The following NEK11 variants were observed in gnomAD, a reference collection of about 807,000 sequenced individuals.
NEK11 encodes serine/threonine-protein kinase Nek11.
NEK11 carries 72 observed loss-of-function variants against 80.7 expected under a neutral mutation model. The ratio of observed to expected loss-of-function variants is 0.89; its 90% CI spans 0.74 to 1.08. The LOEUF is 1.08. Ranked by LOEUF, NEK11 falls within the 50% of genes least tolerant of loss-of-function variation. NEK11 has a pLI of 0.00. For synonymous variants in NEK11, 251 were observed against 260.7 expected (o/e 0.96, Z 0.36); for missense variants, 764 against 763.6 (o/e 1.00, Z -0.01).
Position 131,242,486 on chromosome 3 carries a change from G to A in NEK11, c.1561-950G>A, listed in dbSNP as rs114119889. 8.8e-3 allele frequency among the ~76,000 whole-genome samples: 1,338 copies of A among 152,222 alleles called. 14 individuals are homozygous for A. Among genetic ancestry groups the A allele is most frequent in the African/African-American group, 0.029 (1,186 of 41,548 alleles). On this transcript the variant is annotated intron_variant, in intron 15 of 17. Transcript: ENST00000383366. ...TTAAATTATGAAACAGGGAAGAAAT[G>A]CAAAAGTTCCAATCAGCAGCATAAT...
chr3:131,343,772 G>A (rs2097321470), intron 17 of NEK11, among the ~76,000 whole-genome samples: 1 of 152,212 alleles, frequency 6.6e-6, no homozygotes, highest in African/African-American at 2.4e-5. Context: ...TGAAACCAGA[G>A]CAGCTGGGAT....
intron 7 of NEK11, among the ~76,000 whole-genome samples, chr3:131,136,196 C>A (rs1418927191): frequency 2.0e-5 from 3 of 152,110 alleles, no homozygotes; most frequent in African/African-American, 4.8e-5. Context: ...ATCATCCTGA[C>A]CCTAAATAAC....
intron 15 of NEK11, among the ~76,000 whole-genome samples, chr3:131,232,444 G>A (rs949741546): frequency 2.0e-5 from 3 of 152,126 alleles, no homozygotes; most frequent in African/African-American, 4.8e-5. Context: ...ATAATGACTC[G>A]ACACAAATCT....
intron 4 of NEK11, among the ~76,000 whole-genome samples, chr3:131,089,845 T>C (rs980308228): frequency 5.9e-5 from 9 of 152,212 alleles, no homozygotes; most frequent in African/African-American, 2.2e-4. Context: ...GCATAATATT[T>C]GAGGTCCACT....
rs2093159732 is a variant in NEK11 at position 131,178,403 on chromosome 3, CACAA to C, written c.1399+7520_1399+7523del. On this transcript the variant is annotated intron_variant, in intron 14 of 17. Transcript: ENST00000383366. ...TTATTTTATAACACTTGGCTTAAAA[CACAA>C]ACACATTGTACAGCTGTACAAGAAT... is the stretch of plus-strand genomic sequence containing the variant. Among the ~76,000 whole-genome samples the C allele has an allele frequency of 1.3e-5, 2 of 152,184 alleles. 1 individual carries two copies. The highest frequency in any genetic ancestry group is 4.1e-4 in the South Asian group (2 of 4,826).
At chr3:131,167,465 C>T (rs1459039973) in intron 12 of NEK11, among the ~76,000 whole-genome samples, 1 of 152,174 alleles carries the variant, frequency 6.6e-6, no homozygotes, top group African/African-American at 2.4e-5. Context: ...AATTTACTTA[C>T]CTTTTTTGCT....
chr3:131,151,551 G>A (rs1435236348), intron 7 of NEK11, among the ~76,000 whole-genome samples: 1 of 152,032 alleles, frequency 6.6e-6, no homozygotes, highest in African/African-American at 2.4e-5. Context: ...TCAATCACAA[G>A]TTTATTTCTT....
At chr3:131,259,812 G>A (rs2095880425) in intron 16 of NEK11, among the ~76,000 whole-genome samples, 1 of 152,188 alleles carries the variant, frequency 6.6e-6, no homozygotes, top group African/African-American at 2.4e-5. Flanking sequence ...GCCACAGCTG[G>A]AGGCTGTCTA....
chr3:131,117,599 A>G (rs1475514657), intron 5 of NEK11, among the ~76,000 whole-genome samples: 3 of 152,016 alleles, frequency 2.0e-5, no homozygotes, highest in African/African-American at 7.2e-5. Flanking sequence ...GATTCTTCCT[A>G]CCCATGAGCA....
Position 131,133,845 on chromosome 3 carries a change from C to G in NEK11, c.536C>G (p.Ser179Cys), listed in dbSNP as rs750294943. ...TTATTTCAAGGAGATTTTGGAGTTT[C>G]TCGACTTCTAATGGGATCCTGTGAC... ...NLLKIGDFGV[S>C]RLLMGSCDLA... is the part of the protein sequence containing the mutation. Residue 179 changes from serine (S) to cysteine (C), a missense_variant, in exon 7 of 18, where the codon TCT (serine) becomes TGT (cysteine). Physicochemically the swap from Ser to Cys is moderately radical, Grantham distance 112. Coordinates refer to ENST00000383366, the MANE Select transcript of NEK11 (RefSeq NM_024800.5). 6.2e-7 allele frequency: 1 copy of G among 1,610,894 alleles called. No homozygotes were observed. Among genetic ancestry groups the G allele is most frequent in the South Asian group, 1.1e-5 (1 of 90,344 alleles).
At chr3:131,043,026 C>A (rs2066772810) in intron 3 of NEK11, among the ~76,000 whole-genome samples, 1 of 152,182 alleles carries the variant, frequency 6.6e-6, no homozygotes, top group Non-Finnish European at 1.5e-5. Flanking sequence ...AGGGGCCTGA[C>A]TGTTAGAAGG....
intron 9 of NEK11, among the ~76,000 whole-genome samples, chr3:131,154,278 C>CA (rs111639791): frequency 0.024 from 3,577 of 148,064 alleles, 101 homozygotes; most frequent in African/African-American, 0.074. Context: ...TTTGAGCATT[C>CA]AAAAAAAAAA....
chr3:131,315,466 C>T (rs966268137), intron 17 of NEK11, among the ~76,000 whole-genome samples: 9 of 97,186 alleles, frequency 9.3e-5, no homozygotes, highest in South Asian at 8.7e-4. Flanking sequence ...GAATAATATT[C>T]CTGTGTGTGT....
intron 3 of NEK11, among the ~76,000 whole-genome samples, chr3:131,049,771 T>C (rs1024624753): frequency 6.6e-6 from 1 of 152,204 alleles, no homozygotes; most frequent in Non-Finnish European, 1.5e-5. Context: ...TTGCCAGATA[T>C]TGTTCAAACT....
chr3:131,314,130 AGT>A (rs143988468), intron 17 of NEK11, among the ~76,000 whole-genome samples: 265 of 149,032 alleles, frequency 1.8e-3, no homozygotes, highest in African/African-American at 5.0e-3. Flanking sequence ...GGAGAAAAAG[AGT>A]GTGTGTGTGT....
Position 131,278,403 on chromosome 3 carries a change from T to C in NEK11, c.1718+4829T>C, listed in dbSNP as rs375561019. On this transcript the variant is annotated intron_variant, in intron 17 of 17. Coordinates refer to ENST00000383366, the MANE Select transcript of NEK11 (RefSeq NM_024800.5). The stretch of plus-strand genomic sequence containing the variant: ...AGAGTGGTTGCTATTCATGTATGGA[T>C]AGATAAATGATGAATGGATAGATGA... Among the ~76,000 whole-genome samples, 21 of 152,270 alleles carry C rather than the reference T, an allele frequency of 1.4e-4. 1 individual carries two copies. The South Asian group carries it at 4.1e-3, about 30-fold the overall frequency.
intron 17 of NEK11, among the ~76,000 whole-genome samples, chr3:131,315,467 C>CTCTGTG (rs2096827638): frequency 7.3e-6 from 1 of 137,542 alleles, no homozygotes; most frequent in African/African-American, 2.5e-5. Context: ...AATAATATTC[C>CTCTGTG]TGTGTGTGTG....
At chr3:131,251,411 G>C (rs1247008121) in intron 16 of NEK11, among the ~76,000 whole-genome samples, 2 of 152,016 alleles carry the variant, frequency 1.3e-5, no homozygotes, top group Non-Finnish European at 2.9e-5. Context: ...CATTACTTTA[G>C]TGTGCCTGCT....
At chr3:131,333,262 G>A (rs908797552) in intron 17 of NEK11, among the ~76,000 whole-genome samples, 18 of 151,906 alleles carry the variant, frequency 1.2e-4, no homozygotes, top group Admixed American at 9.2e-4. Context: ...GACTACCAGC[G>A]GATCTCTCGG....
Sources: allele counts gnomAD v4.1 joint callset (sites outside exome capture counted in the v4.1 genomes callset), GRCh38; gene constraint gnomAD v4.1.1; transcripts MANE v1.5; gene names NCBI Gene and HGNC (gene_info 2026-07-23, HGNC 2026-07-21).